The following PDS5A variants were observed in gnomAD, a reference collection of about 807,000 sequenced individuals.
PDS5A encodes sister chromatid cohesion protein PDS5 homolog A.
In PDS5A, 42 loss-of-function variants were observed where a neutral mutation model predicts 167.1. The observed-to-expected ratio is 0.25, with a 90% CI of 0.20 to 0.33. The LOEUF is 0.33. Ranked by LOEUF, PDS5A falls within the 10% of genes least tolerant of loss-of-function variation. PDS5A has a pLI of 1.00. For synonymous variants in PDS5A, 553 were observed against 554.6 expected (o/e 1.00, Z 0.04); for missense variants, 1,033 against 1,605.9 (o/e 0.64, Z 6.10).
intron 32 of PDS5A, among the ~76,000 whole-genome samples, chr4:39,834,807 ACCAT>A (rs1716244604): frequency 6.6e-6 from 1 of 152,086 alleles, no homozygotes; most frequent in South Asian, 2.1e-4. Context: ...AACCATTACC[ACCAT>A]CCATCTCTAG....
chr4:39,941,883 C>A (rs952919905), intron 2 of PDS5A, among the ~76,000 whole-genome samples: 1 of 152,150 alleles, frequency 6.6e-6, no homozygotes, highest in African/African-American at 2.4e-5. Context: ...ACTATGACTG[C>A]ACAACTGCTG....
intron 2 of PDS5A, among the ~76,000 whole-genome samples, chr4:39,945,547 A>G (rs894410616): frequency 1.1e-4 from 16 of 151,912 alleles, no homozygotes; most frequent in African/African-American, 3.9e-4. Flanking sequence ...TACATATAGT[A>G]TAGTAGGAGG....
rs997430122 is a variant in PDS5A at position 39,977,061 on chromosome 4, C to T, written c.-41+396G>A. ...TTAGGCCGCAAAACTAGGGACCCAG[C>T]GGACCCACGCGCAGCGGCGGCTGCC... On this transcript the variant is annotated intron_variant, in intron 1 of 32. Coordinates refer to ENST00000303538, the MANE Select transcript of PDS5A (RefSeq NM_001100399.2). The surrounding 1 kb of genome is among the most constrained non-coding windows in gnomAD (Gnocchi z 4.2). 9.9e-5 allele frequency among the ~76,000 whole-genome samples: 15 copies of T among 152,148 alleles called. No individual in the cohort carries two copies. Among genetic ancestry groups the T allele is most frequent in the Non-Finnish European group, 1.9e-4 (13 of 68,002 alleles).
At chr4:39,971,861 TA>T (rs777200641) in intron 2 of PDS5A, among the ~76,000 whole-genome samples, 3 of 152,028 alleles carry the variant, frequency 2.0e-5, no homozygotes, top group Admixed American at 6.6e-5. Context: ...AAGATTCTAA[TA>T]AAAAAACAAA....
chr4:39,961,892 T>G (rs1344028613), intron 2 of PDS5A, among the ~76,000 whole-genome samples: 1 of 152,224 alleles, frequency 6.6e-6, no homozygotes, highest in African/African-American at 2.4e-5. Context: ...TTACTTCATA[T>G]ATGGTTTTTA....
Position 39,825,455 on chromosome 4 carries a change from C to A in PDS5A, c.*30G>T. Reference sequence around the variant, plus strand: ...GAAGCTGGAGCCTGCTTCTGTTTGGCCTTCATTTTCTCCCTTTGCAAATGC... The same window carrying A: ...GAAGCTGGAGCCTGCTTCTGTTTGGACTTCATTTTCTCCCTTTGCAAATGC... On this transcript the variant is annotated 3_prime_UTR_variant, in exon 33 of 33. Coordinates refer to ENST00000303538, the MANE Select transcript of PDS5A (RefSeq NM_001100399.2). 6.4e-7 allele frequency: 1 copy of A among 1,571,196 alleles called. No homozygotes were observed. The highest frequency in any genetic ancestry group is 8.7e-7 in the Non-Finnish European group (1 of 1,154,716).
rs1156591089 is a variant in PDS5A, at chr4:39,879,801, T to A, written c.1919A>T (p.Glu640Val). 6.2e-7 allele frequency: 1 copy of A among 1,610,912 alleles called. No homozygotes were observed. The highest frequency in any genetic ancestry group is 8.5e-7 in the Non-Finnish European group (1 of 1,177,176). The change falls in exon 18 of 33, where the codon GAG becomes GTG. Residue 640 changes from glutamate (E) to valine (V), a missense_variant. This residue lies in a region of PDS5A where 367 missense variants were observed against 686.7 expected (regional missense o/e 0.53). Coordinates refer to ENST00000303538, the MANE Select transcript of PDS5A (RefSeq NM_001100399.2). ...CTCCTCTTCATCATCTGCTGTCCCC[T>A]CTATTGACTTATTCATCAATTTCAC... ...ALVKLMNKSI[E>V]GTADDEEEGV...
At chr4:39,876,450 C>T (rs1337510415) in intron 19 of PDS5A, among the ~76,000 whole-genome samples, 2 of 152,166 alleles carry the variant, frequency 1.3e-5, no homozygotes, top group East Asian at 3.9e-4. Context: ...ATACTCTGAA[C>T]TAATTGCCAA....
intron 2 of PDS5A, among the ~76,000 whole-genome samples, chr4:39,974,812 T>C (rs1275897911): frequency 6.6e-6 from 1 of 152,112 alleles, no homozygotes; most frequent in Non-Finnish European, 1.5e-5. Context: ...AGGCCCAAGA[T>C]TTGTTTTAAT....
At chr4:39,909,214 C>T (rs538819259) in intron 10 of PDS5A, among the ~76,000 whole-genome samples, 142 of 151,610 alleles carry the variant, frequency 9.4e-4, no homozygotes, top group Non-Finnish European at 5.5e-4. Context: ...CAACCTCCGC[C>T]GCCCAGGTTC....
intron 2 of PDS5A, among the ~76,000 whole-genome samples, chr4:39,951,532 G>A (rs1728357463): frequency 6.6e-6 from 1 of 152,208 alleles, no homozygotes; most frequent in Non-Finnish European, 1.5e-5. Context: ...GAAAGCACAA[G>A]CATCAAATCT....
chr4:39,951,647 T>A, intron 2 of PDS5A, among the ~76,000 whole-genome samples: 1 of 152,216 alleles, frequency 6.6e-6, no homozygotes, highest in East Asian at 1.9e-4. Flanking sequence ...ACGCCTGTGA[T>A]CCCAGCACTT....
At position 39,973,660 on chromosome 4, in the gene PDS5A, AAACCATCGTATGTAGCTTT is replaced by A. The variant is rs545695066; in HGVS notation, c.138+2761_138+2779del. 1.5e-3 allele frequency: 1,955 copies of A among 1,304,720 alleles called. 16 individuals carry two copies. In the African/African-American group the frequency reaches 0.023, roughly 15 times the overall value. 80.8% of individuals were successfully genotyped at this position (1,304,720 alleles called of 1,614,324 possible). On this transcript the variant is annotated intron_variant, in intron 2 of 32. Transcript: ENST00000303538. ...AATGAACGGTAGAACTGTGGCCACAAAACCATCGTATGTAGCTTTAGCTCAGCGCAAAGAAGAGTGCCAG... is the reference window on the plus strand; with the variant it reads ...AATGAACGGTAGAACTGTGGCCACAAAGCTCAGCGCAAAGAAGAGTGCCAG...
intron 21 of PDS5A, 23 bp downstream of exon 21, chr4:39,872,963 A>G: frequency 3.6e-6 from 5 of 1,396,534 alleles, no homozygotes; most frequent in East Asian, 2.5e-5. Flanking sequence ...ATGATTCTCA[A>G]TTTAATTAAA....
intron 2 of PDS5A, chr4:39,976,021 TAAGC>T (rs1394349939): frequency 6.5e-6 from 1 of 153,560 alleles, no homozygotes; most frequent in East Asian, 1.9e-4. Context: ...TATACATATT[TAAGC>T]TTCTGGATAT....
At chr4:39,828,623 G>A (rs146290684) in intron 32 of PDS5A, among the ~76,000 whole-genome samples, 109 of 152,220 alleles carry the variant, frequency 7.2e-4, no homozygotes, top group African/African-American at 2.6e-3. Flanking sequence ...GCATATACTA[G>A]GGCCTCAAAA....
intron 14 of PDS5A, 121 bp from the exon 15 acceptor site, chr4:39,898,946 G>T: frequency 1.5e-6 from 1 of 653,550 alleles, no homozygotes; most frequent in Non-Finnish European, 2.7e-6. Flanking sequence ...GTTCATCACA[G>T]TCTGCTCAAT....
intron 8 of PDS5A, among the ~76,000 whole-genome samples, chr4:39,914,291 A>G (rs1238359586): frequency 6.6e-6 from 1 of 150,638 alleles, no homozygotes; most frequent in Non-Finnish European, 1.5e-5. Context: ...CCTCTCGAGT[A>G]GCTGGGATTA....
At chr4:39,951,638 C>T (rs527911717) in intron 2 of PDS5A, among the ~76,000 whole-genome samples, 2 of 152,238 alleles carry the variant, frequency 1.3e-5, no homozygotes, top group Admixed American at 6.5e-5. Context: ...AGGTGGCTCA[C>T]GCCTGTGATC....
Sources: gnomAD v4.1 joint callset for allele counts (sites outside exome capture counted in the v4.1 genomes callset) on GRCh38, gnomAD v4.1.1 for gene constraint, gnomAD v4.1.1 regional missense constraint, Gnocchi (gnomAD v3.1) non-coding constraint, MANE v1.5 for transcripts, NCBI Gene and HGNC (gene_info 2026-07-23, HGNC 2026-07-21) for gene names.